The following KLF3 variants were observed in gnomAD, a reference collection of about 807,000 sequenced individuals.
KLF3 encodes Krueppel-like factor 3.
KLF3 carries 6 observed loss-of-function variants against 32.7 expected under a neutral mutation model. The ratio of observed to expected loss-of-function variants is 0.18; its 90% confidence interval spans 0.10 to 0.36. KLF3 has a LOEUF of 0.36. KLF3 is among the 10% of genes least tolerant of loss of function. KLF3 has a pLI of 1.00. For synonymous variants in KLF3, 145 were observed against 172.8 expected, an observed-to-expected ratio of 0.84 and a Z score of 1.26; for missense variants, 338 against 449.7, an observed-to-expected ratio of 0.75 and a Z score of 2.25.
At chr4:38,682,981 A>G (rs930304770) in intron 2 of KLF3, among the ~76,000 whole-genome samples, 6 of 152,098 alleles carry the variant, frequency 3.9e-5, no homozygotes, top group Non-Finnish European at 5.9e-5. Context: ...ATTCAGTGCA[A>G]CCTCAGTTAA....
Position 38,697,407 on chromosome 4 carries a change from C to T in KLF3, c.*144C>T, listed in dbSNP as rs937620505. 54 of 737,566 alleles carry T rather than the reference C, an allele frequency of 7.3e-5. No individual in the cohort carries two copies. Among genetic ancestry groups the T allele is most frequent in the Non-Finnish European group, 1.0e-4 (48 of 465,680 alleles). 45.7% of individuals were successfully genotyped at this position (737,566 alleles called of 1,614,324 possible). On this transcript the variant is annotated 3_prime_UTR_variant, in exon 6 of 6. Transcript: ENST00000261438. ...ATCTCTGAATTTATATCATCCAAAACTTCCATATGGTCAGTAGTAGATGTT... is the reference window on the plus strand; with the variant it reads ...ATCTCTGAATTTATATCATCCAAAATTTCCATATGGTCAGTAGTAGATGTT...
At chr4:38,666,388 C>CTT (rs1424930820) in intron 1 of KLF3, among the ~76,000 whole-genome samples, 167 of 143,302 alleles carry the variant, frequency 1.2e-3, no homozygotes, top group African/African-American at 4.0e-3. Context: ...CTTTTTTTTT[C>CTT]TTTTTTTTTT....
At chr4:38,665,661 A>T (rs1448120359) in intron 1 of KLF3, among the ~76,000 whole-genome samples, 4 of 152,240 alleles carry the variant, frequency 2.6e-5, no homozygotes, top group Non-Finnish European at 5.9e-5. Context: ...TATTGATTAT[A>T]TTCTCACAAG....
chr4:38,689,897 T>C lies in KLF3; in HGVS notation c.695+18T>C. The stretch of plus-strand genomic sequence containing the variant: ...TTGCAAGAGTAAGTATATTTAGGTC[T>C]ACCCAGCATTTGCATAGTAGTGTGC... On this transcript the variant is annotated intron_variant, in intron 4 of 5. Transcript: ENST00000261438. The C allele has an allele frequency of 6.4e-7, 1 of 1,556,014 alleles. No homozygotes were observed. The highest frequency in any genetic ancestry group is 8.7e-7 in the Non-Finnish European group (1 of 1,148,130).
rs1449218184 is a variant in KLF3, at chr4:38,674,866, G to A, written c.-39-5721G>A. 6.6e-6 allele frequency among the ~76,000 whole-genome samples: 1 copy of A among 152,156 alleles called. No homozygotes were observed. The highest frequency in any genetic ancestry group is 2.4e-5 in the African/African-American group (1 of 41,410). ...GGGGCAGGCAGTTGTCTGTAAGGTC[G>A]TTTCTGTAATAAATCATGCTCTAGC... On this transcript the variant is annotated intron_variant, in intron 1 of 5. Coordinates refer to ENST00000261438, the MANE Select transcript of KLF3 (RefSeq NM_016531.6). The surrounding 1 kb of genome is among the most constrained non-coding windows in gnomAD (Gnocchi z 4.1).
intron 1 of KLF3, among the ~76,000 whole-genome samples, chr4:38,677,430 G>C (rs901479838): frequency 6.6e-6 from 1 of 152,192 alleles, no homozygotes; most frequent in Non-Finnish European, 1.5e-5. Context: ...GGATTCAGTA[G>C]TCGTTGCTGT....
intron 1 of KLF3, among the ~76,000 whole-genome samples, chr4:38,676,307 G>C (rs1236316921): frequency 6.6e-6 from 1 of 152,098 alleles, no homozygotes; most frequent in African/African-American, 2.4e-5. Flanking sequence ...CAGGAGTGGT[G>C]GTGCATGCCT....
chr4:38,680,659 G>A lies in KLF3; in HGVS notation c.34G>A (p.Glu12Lys), dbSNP rs768274115. ...GTTTGACCCAGTTCCTGTCAAGCAA[G>A]AGGCCATGGACCCTGTCTCAGTGGT... ...LMFDPVPVKQ[E>K]AMDPVSVSYP... The change falls in exon 2 of 6, where the codon GAG (glutamate) becomes AAG (lysine). Residue 12 changes from glutamate to lysine, a missense_variant. Glu to Lys is a moderately conservative substitution (Grantham distance 56). Around this residue, in one of 2 missense-constraint regions of KLF3, gnomAD observed 272 missense variants for 313.4 expected, o/e 0.87. Coordinates refer to ENST00000261438, the MANE Select transcript of KLF3 (RefSeq NM_016531.6). The A allele has an allele frequency of 5.6e-6, 9 of 1,613,816 alleles. No individual in the cohort carries two copies. The highest frequency in any genetic ancestry group is 7.6e-6 in the Non-Finnish European group (9 of 1,179,700).
At position 38,684,541 on chromosome 4, in the gene KLF3, GTTTTTTTTT is replaced by G. The variant is rs139709836; in HGVS notation, c.57+3871_57+3879del. Reference sequence around the variant, plus strand: ...AGGTTTTTTTGTTTTGGTTTTTTGTGTTTTTTTTTTTTTTTTTTTTGGTTTGGTTTTGGT... The same window carrying G: ...AGGTTTTTTTGTTTTGGTTTTTTGTGTTTTTTTTTTTGGTTTGGTTTTGGT... On this transcript the variant is annotated intron_variant, in intron 2 of 5. Transcript: ENST00000261438. 3.7e-4 allele frequency among the ~76,000 whole-genome samples: 40 copies of G among 109,176 alleles called. No homozygotes were observed. The Admixed American group carries it at 3.8e-3, about 10-fold the overall frequency. The allele number at this position is 109,176 out of a possible 152,430, so 71.6% of individuals were successfully genotyped here.
At position 38,700,978 on chromosome 4, in the gene KLF3, C is replaced by T. The variant is rs1041250451; in HGVS notation, c.*3715C>T. ...ACATAAATTTGTACTGTACAGTCCT[C>T]ATATACTATATACAGTATGCAATAT... On this transcript the variant is annotated 3_prime_UTR_variant, in exon 6 of 6. Coordinates refer to ENST00000261438, the MANE Select transcript of KLF3 (RefSeq NM_016531.6). The T allele has an allele frequency of 6.6e-6, 1 of 152,104 alleles. No individual in the cohort carries two copies. The highest frequency in any genetic ancestry group is 2.4e-5 in the African/African-American group (1 of 41,398). The allele number at this position is 152,104 out of a possible 1,614,324, so 9.4% of individuals were successfully genotyped here. A position where few individuals can be genotyped will look rare whatever the true frequency, so the allele number is the denominator to read the frequency against.
At chr4:38,680,441 T>G (rs1025121847) in intron 1 of KLF3, 146 bp from the exon 2 acceptor site, 3 of 426,926 alleles carry the variant, frequency 7.0e-6, no homozygotes, top group Non-Finnish European at 1.3e-5. Flanking sequence ...CTTGAACTCC[T>G]GACCTCAGGC....
chr4:38,679,443 T>TA (rs1401298264), intron 1 of KLF3, among the ~76,000 whole-genome samples: 5 of 152,230 alleles, frequency 3.3e-5, no homozygotes, highest in Admixed American at 3.3e-4. Flanking sequence ...TTGTATTTTA[T>TA]TAATGAAAAT....
rs139840916 is a variant in KLF3, at chr4:38,682,083, G to A, written c.57+1401G>A. On this transcript the variant is annotated intron_variant, in intron 2 of 5. Coordinates refer to ENST00000261438, the MANE Select transcript of KLF3 (RefSeq NM_016531.6). ...AAAAACTAAATTACTTTTTGAGATG[G>A]AGTCTCACTCTGTCGCCTAGGCGGG... 4.6e-5 allele frequency among the ~76,000 whole-genome samples: 7 copies of A among 152,352 alleles called. No individual in the cohort carries two copies. In the East Asian group the frequency reaches 1.3e-3, roughly 29 times the overall value.
intron 1 of KLF3, among the ~76,000 whole-genome samples, chr4:38,667,740 C>G (rs1197128406): frequency 6.6e-6 from 1 of 152,190 alleles, no homozygotes. Context: ...GAAGACCTAG[C>G]ATTATCTGAA....
chr4:38,671,759 T>C lies in KLF3; in HGVS notation c.-40+7298T>C, dbSNP rs910326036. ...AAACGGGAAGGTAGTAACCACCTCATTGACATTAAACAGCGCCTGGGGATT... is the reference window on the plus strand; with the variant it reads ...AAACGGGAAGGTAGTAACCACCTCACTGACATTAAACAGCGCCTGGGGATT... On this transcript the variant is annotated intron_variant, in intron 1 of 5. Transcript: ENST00000261438. This position sits in a 1 kb window ranked among gnomAD's most constrained non-coding sequence, Gnocchi z 4.4. Among the ~76,000 whole-genome samples, 1 of 152,152 alleles carries C rather than the reference T, an allele frequency of 6.6e-6. No homozygotes were observed. The highest frequency in any genetic ancestry group is 1.5e-5 in the Non-Finnish European group (1 of 68,026).
chr4:38,693,066 G>GTA (rs1334155319), intron 4 of KLF3, among the ~76,000 whole-genome samples: 249 of 135,780 alleles, frequency 1.8e-3, no homozygotes, highest in African/African-American at 6.3e-3. Context: ...ATATATATAT[G>GTA]TATATATATA....
chr4:38,680,569 C>T lies in KLF3; in HGVS notation c.-39-18C>T. On this transcript the variant is annotated intron_variant, in intron 1 of 5. Transcript: ENST00000261438. ...AGTAACCTTGAGACTTAGATGGATA[C>T]CTTGTTTTGTTTTCTAGGCCAAACA... 4.7e-6 allele frequency: 6 copies of T among 1,264,020 alleles called. No homozygotes were observed. The South Asian group carries it at 5.9e-5, about 13-fold the overall frequency. 78.3% of individuals were successfully genotyped at this position (1,264,020 alleles called of 1,614,324 possible). A position where few individuals can be genotyped will look rare whatever the true frequency, so the allele number is the denominator to read the frequency against.
chr4:38,695,449 T>C (rs563183222), intron 5 of KLF3, among the ~76,000 whole-genome samples: 1 of 152,332 alleles, frequency 6.6e-6, no homozygotes, highest in South Asian at 2.1e-4. Context: ...TTCTTCCATC[T>C]CGCCCAATAC....
chr4:38,701,008 T>C lies in KLF3; in HGVS notation c.*3745T>C, dbSNP rs1313959440. 1 of 152,196 alleles carries C rather than the reference T, an allele frequency of 6.6e-6. No individual in the cohort carries two copies. Among genetic ancestry groups the C allele is most frequent in the Non-Finnish European group, 1.5e-5 (1 of 68,040 alleles). 9.4% of individuals were successfully genotyped at this position (152,196 alleles called of 1,614,324 possible). A position where few individuals can be genotyped will look rare whatever the true frequency, so the allele number is the denominator to read the frequency against. ...ACTATATACAGTATGCAATATATAT[T>C]ATATACTTGTTAATAAAACCATCAG... On this transcript the variant is annotated 3_prime_UTR_variant, in exon 6 of 6. Coordinates refer to ENST00000261438, the MANE Select transcript of KLF3 (RefSeq NM_016531.6).
Sources: allele counts gnomAD v4.1 joint callset (sites outside exome capture counted in the v4.1 genomes callset), GRCh38; gene constraint gnomAD v4.1.1; regional missense constraint gnomAD v4.1.1; non-coding constraint Gnocchi (gnomAD v3.1); transcripts MANE v1.5; gene names NCBI Gene and HGNC (gene_info 2026-07-23, HGNC 2026-07-21).